TYW1: variants seen among roughly 807,000 people sequenced by gnomAD.
The protein encoded by TYW1 is S-adenosyl-L-methionine-dependent tRNA 4-demethylwyosine synthase TYW1.
Under a neutral mutation model 96.2 loss-of-function variants are expected in TYW1, and 46 were observed. That is an observed-to-expected ratio of 0.48 (90% CI 0.38 to 0.61). The LOEUF (loss-of-function observed/expected upper bound fraction) is 0.61, where lower values mean the gene tolerates loss of function less well. Ranked by LOEUF, TYW1 falls within the 20% of genes least tolerant of loss-of-function variation. The pLI is 0.00. For synonymous variants in TYW1, 274 were observed against 323.0 expected, an observed-to-expected ratio of 0.85 and a Z score of 1.63; for missense variants, 684 against 909.6, an observed-to-expected ratio of 0.75 and a Z score of 3.19.
chr7:67,181,049 A>T (rs1251245412), intron 13 of TYW1, among the ~76,000 whole-genome samples: 2 of 151,980 alleles, frequency 1.3e-5, no homozygotes, highest in Non-Finnish European at 2.9e-5. Context: ...TGAATTTACC[A>T]AATGGTGTTT....
intron 14 of TYW1, among the ~76,000 whole-genome samples, chr7:67,191,067 A>C (rs1434955422): frequency 6.6e-6 from 1 of 152,188 alleles, no homozygotes; most frequent in East Asian, 1.9e-4. Context: ...CAGGCTCTAC[A>C]AGAAGCATGG....
chr7:67,159,976 A>AT (rs71052403), intron 13 of TYW1, among the ~76,000 whole-genome samples: 8 of 150,964 alleles, frequency 5.3e-5, no homozygotes, highest in Non-Finnish European at 8.9e-5. Flanking sequence ...AATGTTTTGT[A>AT]TTTTTTTTAG....
chr7:67,056,854 G>A (rs13308153), intron 9 of TYW1, among the ~76,000 whole-genome samples: 3 of 152,206 alleles, frequency 2.0e-5, no homozygotes, highest in Non-Finnish European at 4.4e-5. Flanking sequence ...AAGAAACTCC[G>A]AAACTGTTGT....
chr7:67,080,379 A>G (rs1796343373), intron 10 of TYW1, among the ~76,000 whole-genome samples: 1 of 149,988 alleles, frequency 6.7e-6, no homozygotes, highest in South Asian at 2.1e-4. Context: ...TTTATCTTAT[A>G]CAAGGATAGC....
At chr7:67,202,637 C>T (rs1012617315) in intron 15 of TYW1, among the ~76,000 whole-genome samples, 1 of 152,072 alleles carries the variant, frequency 6.6e-6, no homozygotes, top group African/African-American at 2.4e-5. Context: ...GCTCGAGCAG[C>T]CCTCCCACCT....
At chr7:67,132,409 C>G (rs983849088) in intron 13 of TYW1, among the ~76,000 whole-genome samples, 2 of 152,104 alleles carry the variant, frequency 1.3e-5, no homozygotes, top group African/African-American at 4.8e-5. Context: ...TGCTCCTGGC[C>G]TATCATTCCA....
intron 10 of TYW1, among the ~76,000 whole-genome samples, chr7:67,078,635 A>AT (rs908127610): frequency 2.0e-5 from 3 of 151,970 alleles, no homozygotes; most frequent in African/African-American, 4.8e-5. Flanking sequence ...GTATCTTTCC[A>AT]TTTTTTTGTG....
chr7:67,231,652 A>G (rs1392429737), intron 15 of TYW1, among the ~76,000 whole-genome samples: 2 of 152,086 alleles, frequency 1.3e-5, no homozygotes, highest in African/African-American at 2.4e-5. Flanking sequence ...AAAGGCATTC[A>G]GATTCCTAAT....
chr7:67,148,481 A>G (rs1313996672), intron 13 of TYW1, among the ~76,000 whole-genome samples: 4 of 135,592 alleles, frequency 3.0e-5, no homozygotes, highest in Non-Finnish European at 6.1e-5. Context: ...GCTGGAGTGC[A>G]GTGGCGTGAT....
At chr7:67,192,174 G>A (rs968661318) in intron 14 of TYW1, among the ~76,000 whole-genome samples, 29 of 152,098 alleles carry the variant, frequency 1.9e-4, no homozygotes, top group Admixed American at 1.1e-3. Context: ...GGGATTACAG[G>A]CATGAGCCAC....
chr7:67,023,799 C>CA (rs1229009708), intron 6 of TYW1, among the ~76,000 whole-genome samples: 5 of 151,942 alleles, frequency 3.3e-5, no homozygotes, highest in Admixed American at 2.0e-4. Context: ...AAAGAACAAA[C>CA]AAAAAAATCT....
At chr7:67,173,259 C>T (rs1002142660) in intron 13 of TYW1, among the ~76,000 whole-genome samples, 1 of 152,068 alleles carries the variant, frequency 6.6e-6, no homozygotes, top group Non-Finnish European at 1.5e-5. Context: ...AATGTGATTG[C>T]TCCAATCCTG....
At chr7:67,148,416 T>C (rs1489976840) in intron 13 of TYW1, among the ~76,000 whole-genome samples, 1 of 146,168 alleles carries the variant, frequency 6.8e-6, no homozygotes, top group African/African-American at 2.6e-5. Flanking sequence ...CAAGGTTTAC[T>C]TGAAAGTGAT....
intron 7 of TYW1, among the ~76,000 whole-genome samples, chr7:67,035,578 A>C (rs1794810404): frequency 6.6e-6 from 1 of 152,138 alleles, no homozygotes; most frequent in Non-Finnish European, 1.5e-5. Context: ...AGCTCCCTGA[A>C]AGCTTTTATA....
intron 13 of TYW1, among the ~76,000 whole-genome samples, chr7:67,140,272 G>A (rs981750606): frequency 6.6e-6 from 1 of 151,868 alleles, no homozygotes; most frequent in African/African-American, 2.4e-5. Flanking sequence ...ATATCACCTT[G>A]TTCTTTGCCT....
At chr7:67,191,941 G>A (rs1218483119) in intron 14 of TYW1, among the ~76,000 whole-genome samples, 1 of 151,272 alleles carries the variant, frequency 6.6e-6, no homozygotes, top group Non-Finnish European at 1.5e-5. Context: ...TGTTGCCCAG[G>A]CTGGAGTGGA....
At chr7:67,094,461 G>C (rs1431040099) in intron 11 of TYW1, among the ~76,000 whole-genome samples, 1 of 152,184 alleles carries the variant, frequency 6.6e-6, no homozygotes, top group Non-Finnish European at 1.5e-5. Flanking sequence ...CCCACCAACA[G>C]TGTGTAATCC....
At chr7:67,122,146 C>G (rs1797778099) in intron 13 of TYW1, among the ~76,000 whole-genome samples, 1 of 151,574 alleles carries the variant, frequency 6.6e-6, no homozygotes, top group Non-Finnish European at 1.5e-5. Context: ...CTATTTAATT[C>G]TTCTCTCTGT....
At chr7:67,033,944 C>T (rs1794750494) in intron 7 of TYW1, among the ~76,000 whole-genome samples, 1 of 152,018 alleles carries the variant, frequency 6.6e-6, no homozygotes, top group African/African-American at 2.4e-5. Context: ...CTGCCCACCT[C>T]GGCCTCCCAG....
Sources: allele counts gnomAD v4.1 joint callset (sites outside exome capture counted in the v4.1 genomes callset), GRCh38; gene constraint gnomAD v4.1.1; transcripts MANE v1.5; gene names NCBI Gene and HGNC (gene_info 2026-07-23, HGNC 2026-07-21).